Variants in CNTLN observed in about 807,000 individuals in gnomAD.
CNTLN encodes the protein centlein, also known as centlein, centrosomal protein.
CNTLN carries 212 observed loss-of-function variants against 180.0 expected under a neutral mutation model. The ratio of observed to expected loss-of-function variants is 1.18; its 90% confidence interval spans 1.05 to 1.32. CNTLN has a LOEUF of 1.32. Among genes scored for constraint, CNTLN ranks in the 40% most tolerant of loss-of-function variants. The probability of loss-of-function intolerance (pLI) is 0.00; values close to 1 mark genes in which losing one functional copy is unlikely to be tolerated. For missense variants in CNTLN, 2,095 were observed against 1,610.9 expected (o/e 1.30, Z -5.14); for synonymous variants, 722 against 563.1 (o/e 1.28, Z -3.99).
At chr9:17,453,973 C>A (rs1441643969) in intron 18 of CNTLN, among the ~76,000 whole-genome samples, 1 of 152,128 alleles carries the variant, frequency 6.6e-6, no homozygotes. Flanking sequence ...GGGACGCTGA[C>A]CCTAATTACA....
intron 18 of CNTLN, among the ~76,000 whole-genome samples, chr9:17,429,762 C>T (rs1487514648): frequency 6.6e-6 from 1 of 151,804 alleles, no homozygotes; most frequent in Non-Finnish European, 1.5e-5. Context: ...CTCTAATCAT[C>T]CTGCACAGAT....
intron 8 of CNTLN, among the ~76,000 whole-genome samples, chr9:17,310,309 C>T (rs1369340041): frequency 3.3e-5 from 5 of 151,974 alleles, no homozygotes; most frequent in Non-Finnish European, 7.4e-5. Flanking sequence ...ATTGTTTAGT[C>T]ATTCAAAAAA....
chr9:17,455,825 G>C (rs1217480253), intron 18 of CNTLN, among the ~76,000 whole-genome samples: 1 of 111,422 alleles, frequency 9.0e-6, no homozygotes, highest in Admixed American at 1.0e-4. Context: ...TTTGGGGAAT[G>C]GCAGGCAGGT....
intron 6 of CNTLN, among the ~76,000 whole-genome samples, chr9:17,285,319 A>G (rs1329875149): frequency 6.7e-6 from 1 of 149,802 alleles, no homozygotes; most frequent in Non-Finnish European, 1.5e-5. Context: ...CCATGTCCCT[A>G]CAAAGGACAC....
intron 2 of CNTLN, among the ~76,000 whole-genome samples, chr9:17,178,983 G>A (rs934838040): frequency 1.4e-5 from 2 of 145,994 alleles, no homozygotes; most frequent in Non-Finnish European, 3.0e-5. Flanking sequence ...GGTGGCTCAC[G>A]CCTGTAATCC....
chr9:17,179,678 T>C (rs533361648), intron 2 of CNTLN, among the ~76,000 whole-genome samples: 1 of 152,334 alleles, frequency 6.6e-6, no homozygotes, highest in Non-Finnish European at 1.5e-5. Flanking sequence ...ATTGATTAGA[T>C]CCTATAGGTT....
intron 5 of CNTLN, among the ~76,000 whole-genome samples, chr9:17,253,230 C>T (rs1826262201): frequency 6.6e-6 from 1 of 151,542 alleles, no homozygotes; most frequent in African/African-American, 2.4e-5. Flanking sequence ...TTCTTTTGCT[C>T]AGGATTGCTT....
intron 5 of CNTLN, among the ~76,000 whole-genome samples, chr9:17,244,594 T>A (rs537896010): frequency 1.6e-4 from 25 of 152,116 alleles, no homozygotes; most frequent in Non-Finnish European, 2.5e-4. Context: ...GTTTGGTCTG[T>A]TTACCTTCCG....
chr9:17,293,516 T>C (rs753939938), intron 6 of CNTLN, among the ~76,000 whole-genome samples: 46 of 152,270 alleles, frequency 3.0e-4, no homozygotes, highest in Non-Finnish European at 6.3e-4. Context: ...TGAGGAGGGA[T>C]GGGTTAGGGT....
At chr9:17,430,460 A>T (rs1829350383) in intron 18 of CNTLN, among the ~76,000 whole-genome samples, 1 of 151,958 alleles carries the variant, frequency 6.6e-6, no homozygotes, top group African/African-American at 2.4e-5. Context: ...GGTACATGTG[A>T]TATTTTGTTA....
At chr9:17,367,414 A>G (rs1823924263) in intron 13 of CNTLN, among the ~76,000 whole-genome samples, 1 of 150,410 alleles carries the variant, frequency 6.6e-6, no homozygotes, top group Admixed American at 6.7e-5. Flanking sequence ...AAGACTGTCT[A>G]GGCCACAATG....
intron 2 of CNTLN, among the ~76,000 whole-genome samples, chr9:17,195,309 C>T (rs1377499439): frequency 6.6e-6 from 1 of 152,136 alleles, no homozygotes; most frequent in Non-Finnish European, 1.5e-5. Flanking sequence ...GAAGCAGAAC[C>T]ATGCTTAATA....
the CNTLN span, among the ~76,000 whole-genome samples, chr9:17,527,490 G>A: frequency 6.6e-6 from 1 of 152,160 alleles, no homozygotes; most frequent in Non-Finnish European, 1.5e-5. Context: ...CTGATTCTGC[G>A]ATGCATGTAT....
At chr9:17,161,095 G>A (rs1468676632) in intron 2 of CNTLN, among the ~76,000 whole-genome samples, 2 of 151,968 alleles carry the variant, frequency 1.3e-5, no homozygotes, top group African/African-American at 2.4e-5. Context: ...AGTTAAAAAA[G>A]TTCTCACTCT....
At chr9:17,284,723 T>G (rs1262287838) in intron 6 of CNTLN, among the ~76,000 whole-genome samples, 1 of 152,078 alleles carries the variant, frequency 6.6e-6, no homozygotes, top group Non-Finnish European at 1.5e-5. Context: ...ATTCATTGAT[T>G]TTTTTGGAAG....
intron 6 of CNTLN, 34 bp from the exon 7 acceptor site, chr9:17,298,156 A>T: frequency 7.2e-7 from 1 of 1,393,370 alleles, no homozygotes; most frequent in Non-Finnish European, 9.4e-7. Context: ...ATCTTTATCC[A>T]TACTTTTCTC....
At chr9:17,436,200 C>T (rs888456571) in intron 18 of CNTLN, among the ~76,000 whole-genome samples, 3 of 152,006 alleles carry the variant, frequency 2.0e-5, no homozygotes, top group African/African-American at 7.2e-5. Context: ...ACATTATATA[C>T]TATTGTTTAG....
rs545534260 is a variant in CNTLN at position 17,485,569 on chromosome 9, T to C, written c.4041+1089T>C. ...TATTACTTCTGGCAAGGGTGTTAAC[T>C]AAGCCTTATTATAGGCATTTAATTA... is the stretch of plus-strand genomic sequence containing the variant. On this transcript the variant is annotated intron_variant, in intron 24 of 25. Transcript: ENST00000380647. Among the ~76,000 whole-genome samples the C allele has an allele frequency of 4.6e-5, 7 of 152,268 alleles. No homozygotes were observed. In the East Asian group the frequency reaches 1.4e-3, roughly 29 times the overall value.
At chr9:17,368,596 GT>G (rs1457473509) in intron 13 of CNTLN, among the ~76,000 whole-genome samples, 1 of 152,148 alleles carries the variant, frequency 6.6e-6, no homozygotes, top group Non-Finnish European at 1.5e-5. Flanking sequence ...CCCAGTGGTG[GT>G]GGCCACAGGG....
Sources: allele counts gnomAD v4.1 joint callset (sites outside exome capture counted in the v4.1 genomes callset), GRCh38; gene constraint gnomAD v4.1.1; transcripts MANE v1.5; gene names NCBI Gene and HGNC (gene_info 2026-07-23, HGNC 2026-07-21).